The following PKP4 variants were observed in gnomAD, a reference collection of about 807,000 sequenced individuals.
PKP4 encodes plakophilin-4.
Under a neutral mutation model 145.1 loss-of-function variants are expected in PKP4, and 90 were observed. That is an observed-to-expected ratio of 0.62 (90% CI 0.52 to 0.74). The LOEUF (loss-of-function observed/expected upper bound fraction) is 0.74. PKP4 is among the 30% of genes least tolerant of loss of function. PKP4 has a pLI of 0.00. For synonymous variants in PKP4, 563 were observed against 577.2 expected (o/e 0.98, Z 0.35); for missense variants, 1,340 against 1,482.7 (o/e 0.90, Z 1.58).
At position 158,662,932 on chromosome 2, in the gene PKP4, G is replaced by C; in HGVS notation, c.2247G>C (p.Leu749=). 3 of 1,612,442 alleles carry C rather than the reference G, an allele frequency of 1.9e-6. No individual in the cohort carries two copies. Among genetic ancestry groups the C allele is most frequent in the Non-Finnish European group, 2.5e-6 (3 of 1,179,668 alleles). The change falls in exon 14 of 22, where the codon CTG becomes CTC. Residue 749 remains leucine (L), a synonymous_variant. Transcript: ENST00000389759. ...VENCVCTLRN[L]SYRLELEVPQ... is the part of the protein sequence containing the mutation. ...ACTGCGTGTGCACCCTGAGGAACCTGTCCTATCGGCTGGAGCTGGAGGTGC... is the reference window on the plus strand; with the variant it reads ...ACTGCGTGTGCACCCTGAGGAACCTCTCCTATCGGCTGGAGCTGGAGGTGC...
chr2:158,636,759 G>A (rs1247983422), intron 9 of PKP4, among the ~76,000 whole-genome samples: 1 of 151,856 alleles, frequency 6.6e-6, no homozygotes, highest in Non-Finnish European at 1.5e-5. Context: ...TTCAAATTTA[G>A]TGTTCTTTGT....
At chr2:158,594,304 G>A (rs540084257) in intron 3 of PKP4, among the ~76,000 whole-genome samples, 2 of 152,210 alleles carry the variant, frequency 1.3e-5, no homozygotes, top group Admixed American at 6.5e-5. Flanking sequence ...CTGTAACCTC[G>A]ATATCACCCT....
intron 1 of PKP4, among the ~76,000 whole-genome samples, chr2:158,473,977 G>A (rs1185047025): frequency 6.6e-6 from 1 of 152,066 alleles, no homozygotes; most frequent in African/African-American, 2.4e-5. Context: ...TATGAAGCAA[G>A]GTGATACTAA....
chr2:158,533,136 G>T, intron 1 of PKP4, 44 bp from the exon 2 acceptor site: 1 of 1,548,124 alleles, frequency 6.5e-7, no homozygotes, highest in East Asian at 2.3e-5. Context: ...TTCCTGCAAG[G>T]GAGCCCAGAA....
intron 7 of PKP4, among the ~76,000 whole-genome samples, chr2:158,628,288 T>G (rs1020952907): frequency 6.6e-6 from 1 of 152,080 alleles, no homozygotes; most frequent in Non-Finnish European, 1.5e-5. Context: ...CCTGAAAAAA[T>G]TATTTCTAAT....
Position 158,669,803 on chromosome 2 carries a change from A to G in PKP4, c.2812A>G (p.Ile938Val). 6.2e-7 allele frequency: 1 copy of G among 1,614,018 alleles called. No individual in the cohort carries two copies. ...SVLSDETMAAICCALHEVTSK... is the reference protein window; with the variant it reads ...SVLSDETMAAVCCALHEVTSK... ...CTTGTCTGATGAGACCATGGCAGCC[A>G]TCTGCTGTGCTCTGCACGAGGTCAC... The change falls in exon 17 of 22, where the codon ATC becomes GTC. Residue 938 changes from isoleucine to valine, a missense_variant. Physicochemically the swap from Ile to Val is conservative, Grantham distance 29. Transcript: ENST00000389759.
intron 1 of PKP4, among the ~76,000 whole-genome samples, chr2:158,495,365 AC>A (rs879614881): frequency 0.028 from 3,013 of 106,326 alleles, 45 homozygotes; most frequent in Middle Eastern, 0.065. Flanking sequence ...AAAAAAAAAA[AC>A]AACAAAGCCC....
At chr2:158,656,812 C>A (rs1575006218) in intron 11 of PKP4, among the ~76,000 whole-genome samples, 2 of 152,322 alleles carry the variant, frequency 1.3e-5, no homozygotes, top group Admixed American at 1.3e-4. Context: ...TTCTACATCC[C>A]CTTCCTCCAC....
rs116426423 is a variant in PKP4, at chr2:158,561,157, A to G, written c.133-16114A>G. Among the ~76,000 whole-genome samples, 974 of 152,352 alleles carry G rather than the reference A, an allele frequency of 6.4e-3. 14 individuals carry two copies. Among genetic ancestry groups the G allele is most frequent in the African/African-American group, 0.022 (928 of 41,576 alleles). ...ATATATATTATAAAATCTTACTGGA[A>G]CACAGGCACACTCGTCATTTATGTT... On this transcript the variant is annotated intron_variant, in intron 2 of 21. Coordinates refer to ENST00000389759, the MANE Select transcript of PKP4 (RefSeq NM_003628.6).
chr2:158,621,425 A>G lies in PKP4; in HGVS notation c.603+4A>G, dbSNP rs751182798. 1 of 1,612,442 alleles carries G rather than the reference A, an allele frequency of 6.2e-7. No homozygotes were observed. Among genetic ancestry groups the G allele is most frequent in the Admixed American group, 1.7e-5 (1 of 59,992 alleles). Reference sequence around the variant, plus strand: ...TGAAGGACAAACACTGGTTCAGGTAAGCCAAACGCATCAAGATCTCTGCAA... The same window carrying G: ...TGAAGGACAAACACTGGTTCAGGTAGGCCAAACGCATCAAGATCTCTGCAA... On this transcript the variant is annotated splice_donor_region_variant and intron_variant, in intron 6 of 21. Coordinates refer to ENST00000389759, the MANE Select transcript of PKP4 (RefSeq NM_003628.6).
intron 20 of PKP4, 93 bp downstream of exon 20, chr2:158,676,960 T>G: frequency 7.0e-7 from 1 of 1,434,082 alleles, no homozygotes; most frequent in Non-Finnish European, 9.8e-7. Context: ...TGTGCTTGTA[T>G]TGAGACAGTC....
At chr2:158,459,741 A>C (rs1031787688) in intron 1 of PKP4, among the ~76,000 whole-genome samples, 2 of 152,136 alleles carry the variant, frequency 1.3e-5, no homozygotes. Flanking sequence ...AAGCAAATTT[A>C]GTTTCCCTGC....
intron 11 of PKP4, among the ~76,000 whole-genome samples, chr2:158,643,373 G>A (rs1247197526): frequency 1.3e-5 from 2 of 152,078 alleles, no homozygotes; most frequent in Non-Finnish European, 2.9e-5. Flanking sequence ...AAACAGCATG[G>A]GATATAGTTC....
chr2:158,523,007 G>C (rs1337744582), intron 1 of PKP4, among the ~76,000 whole-genome samples: 1 of 152,030 alleles, frequency 6.6e-6, no homozygotes, highest in South Asian at 2.1e-4. Flanking sequence ...CTGATTGCTA[G>C]CACAGCAGTC....
intron 2 of PKP4, among the ~76,000 whole-genome samples, chr2:158,553,512 A>G (rs1285761853): frequency 1.3e-5 from 2 of 152,176 alleles, no homozygotes; most frequent in Non-Finnish European, 2.9e-5. Context: ...AAATATAGGA[A>G]AGCTGTTAGA....
chr2:158,624,113 G>A (rs1304578932), intron 6 of PKP4, among the ~76,000 whole-genome samples: 1 of 152,150 alleles, frequency 6.6e-6, no homozygotes, highest in Non-Finnish European at 1.5e-5. Flanking sequence ...AGATTTGGGG[G>A]TGCCTTTTTT....
intron 1 of PKP4, among the ~76,000 whole-genome samples, chr2:158,515,905 G>A (rs2041899648): frequency 1.3e-5 from 2 of 152,110 alleles, no homozygotes; most frequent in Admixed American, 1.3e-4. Flanking sequence ...AATGGGCTGG[G>A]CATGATAGTG....
intron 19 of PKP4, among the ~76,000 whole-genome samples, 187 bp from the exon 20 acceptor site, chr2:158,676,552 A>T (rs951520855): frequency 6.6e-6 from 1 of 152,194 alleles, no homozygotes; most frequent in African/African-American, 2.4e-5. Flanking sequence ...GCCTGCATGC[A>T]GGTAGCACTT....
chr2:158,655,431 T>G (rs2055815460), intron 11 of PKP4, among the ~76,000 whole-genome samples: 1 of 152,184 alleles, frequency 6.6e-6, no homozygotes, highest in Non-Finnish European at 1.5e-5. Context: ...TTTTTCTGAC[T>G]GCAATCAGAG....
Sources: gnomAD v4.1 joint callset for allele counts (sites outside exome capture counted in the v4.1 genomes callset) on GRCh38, gnomAD v4.1.1 for gene constraint, MANE v1.5 for transcripts, NCBI Gene and HGNC (gene_info 2026-07-23, HGNC 2026-07-21) for gene names.